The following JPH1 variants were observed in gnomAD, a reference collection of about 807,000 sequenced individuals.
JPH1 encodes junctophilin-1.
In JPH1, 12 loss-of-function variants were observed where a neutral mutation model predicts 53.6. The ratio of observed to expected loss-of-function variants is 0.22; its 90% CI spans 0.14 to 0.36. The LOEUF is 0.36. JPH1 is among the 10% of genes least tolerant of loss of function. The probability of loss-of-function intolerance (pLI) is 1.00; values close to 1 mark genes in which losing one functional copy is unlikely to be tolerated. For missense variants in JPH1, 808 were observed against 905.5 expected, an observed-to-expected ratio of 0.89 and a Z score of 1.38; for synonymous variants, 375 against 363.8, an observed-to-expected ratio of 1.03 and a Z score of -0.35.
At chr8:74,269,993 C>T (rs1313715901) in intron 2 of JPH1, among the ~76,000 whole-genome samples, 4 of 152,210 alleles carry the variant, frequency 2.6e-5, no homozygotes, top group African/African-American at 9.6e-5. Flanking sequence ...CTCTGTGAAT[C>T]TGTCACTGCT....
At chr8:74,298,733 C>T (rs1807589744) in intron 2 of JPH1, among the ~76,000 whole-genome samples, 1 of 152,170 alleles carries the variant, frequency 6.6e-6, no homozygotes, top group Non-Finnish European at 1.5e-5. Context: ...TAGCTAATAT[C>T]TCCACCACTT....
rs1805985089 is a variant in JPH1, at chr8:74,249,815, T to C, written c.1259-4640A>G. 2.6e-5 allele frequency among the ~76,000 whole-genome samples: 4 copies of C among 152,344 alleles called. No individual in the cohort carries two copies. The South Asian group carries it at 8.3e-4, about 32-fold the overall frequency. On this transcript the variant is annotated intron_variant, in intron 3 of 5. Transcript: ENST00000342232. ...TTGATTTCTGAAGTCTTCTAATTCATACCAGAAATGCAAGCTTAGTTAACA... is the reference window on the plus strand; with the variant it reads ...TTGATTTCTGAAGTCTTCTAATTCACACCAGAAATGCAAGCTTAGTTAACA...
chr8:74,318,495 C>T (rs1808224585), intron 1 of JPH1, among the ~76,000 whole-genome samples: 1 of 152,092 alleles, frequency 6.6e-6, no homozygotes, highest in Admixed American at 6.5e-5. Flanking sequence ...AGAATTAGCA[C>T]AAAAAATTCT....
At chr8:74,316,169 CTCT>C (rs1248194071) in intron 1 of JPH1, among the ~76,000 whole-genome samples, 2 of 152,150 alleles carry the variant, frequency 1.3e-5, no homozygotes, top group Admixed American at 6.5e-5. Context: ...CATTCAGCAT[CTCT>C]TTTTTTAGTG....
rs140917484 is a variant in JPH1 at position 74,245,807 on chromosome 8, T to G, written c.1259-632A>C. Among the ~76,000 whole-genome samples, 761 of 152,052 alleles carry G rather than the reference T, an allele frequency of 5.0e-3. 9 individuals carry two copies. The highest frequency in any genetic ancestry group is 0.018 in the African/African-American group (734 of 41,448). On this transcript the variant is annotated intron_variant, in intron 3 of 5. Transcript: ENST00000342232. The stretch of plus-strand genomic sequence containing the variant: ...TGTAGCTTCAAGATTTTTTTTTTCC[T>G]TTTTTATATACCTCAGGATTGTTTA...
chr8:74,288,698 T>C (rs1445402128), intron 2 of JPH1, among the ~76,000 whole-genome samples: 1 of 152,236 alleles, frequency 6.6e-6, no homozygotes. Context: ...GAGAGATGAA[T>C]GCATGTCATC....
chr8:74,302,404 G>C (rs1470773105), intron 2 of JPH1, among the ~76,000 whole-genome samples: 3 of 152,188 alleles, frequency 2.0e-5, no homozygotes, highest in African/African-American at 7.2e-5. Flanking sequence ...ACTCTAGGTA[G>C]AAATAATTTT....
intron 4 of JPH1, among the ~76,000 whole-genome samples, chr8:74,238,936 G>A (rs537437461): frequency 6.6e-4 from 101 of 152,318 alleles, no homozygotes; most frequent in African/African-American, 2.3e-3. Flanking sequence ...GGGATTCCAG[G>A]CGTGTACCAC....
At chr8:74,291,094 C>A (rs1807312834) in intron 2 of JPH1, among the ~76,000 whole-genome samples, 1 of 152,100 alleles carries the variant, frequency 6.6e-6, no homozygotes. Flanking sequence ...GACTAAAACA[C>A]CAAAAGCAAT....
intron 2 of JPH1, among the ~76,000 whole-genome samples, chr8:74,299,347 T>C (rs1445618701): frequency 6.6e-6 from 1 of 152,216 alleles, no homozygotes; most frequent in Non-Finnish European, 1.5e-5. Flanking sequence ...TTACATATTT[T>C]ACATTCAGCC....
chr8:74,273,677 A>T (rs1385734328), intron 2 of JPH1, among the ~76,000 whole-genome samples: 1 of 152,196 alleles, frequency 6.6e-6, no homozygotes, highest in African/African-American at 2.4e-5. Context: ...CTATGTCTGG[A>T]AAACCTAATT....
chr8:74,269,406 G>C (rs1041448135), intron 2 of JPH1, among the ~76,000 whole-genome samples: 1 of 152,204 alleles, frequency 6.6e-6, no homozygotes, highest in East Asian at 1.9e-4. Context: ...ATGTTTCCTT[G>C]TAGGAACTGC....
chr8:74,292,072 G>A (rs1465715503), intron 2 of JPH1, among the ~76,000 whole-genome samples: 1 of 152,136 alleles, frequency 6.6e-6, no homozygotes, highest in Non-Finnish European at 1.5e-5. Flanking sequence ...TATACTTAAT[G>A]TAAATGACGA....
intron 2 of JPH1, among the ~76,000 whole-genome samples, chr8:74,271,011 A>C (rs1806682086): frequency 1.3e-5 from 2 of 152,154 alleles, no homozygotes; most frequent in Admixed American, 6.5e-5. Context: ...AGATGCAATA[A>C]CTTGAATGGA....
At chr8:74,243,384 TA>T (rs761042559) in intron 4 of JPH1, among the ~76,000 whole-genome samples, 1 of 152,232 alleles carries the variant, frequency 6.6e-6, no homozygotes, top group Non-Finnish European at 1.5e-5. Flanking sequence ...TTAATCTGAA[TA>T]ATTTATGTTT....
At chr8:74,267,371 T>G (rs1806563847) in intron 2 of JPH1, among the ~76,000 whole-genome samples, 1 of 152,184 alleles carries the variant, frequency 6.6e-6, no homozygotes, top group Admixed American at 6.5e-5. Flanking sequence ...AAGGGGAACT[T>G]CTAATAGAGC....
At chr8:74,238,502 TC>T (rs1463849266) in intron 4 of JPH1, among the ~76,000 whole-genome samples, 10 of 152,144 alleles carry the variant, frequency 6.6e-5, no homozygotes, top group Non-Finnish European at 1.3e-4. Context: ...ACTGCTATTT[TC>T]CCCCACAAGA....
chr8:74,251,104 C>T (rs914443507), intron 3 of JPH1, among the ~76,000 whole-genome samples: 3 of 152,162 alleles, frequency 2.0e-5, no homozygotes, highest in Non-Finnish European at 4.4e-5. Context: ...CCAGTAAAGC[C>T]ATATACCATG....
At chr8:74,284,253 A>C (rs987630665) in intron 2 of JPH1, among the ~76,000 whole-genome samples, 2 of 152,236 alleles carry the variant, frequency 1.3e-5, no homozygotes, top group African/African-American at 4.8e-5. Flanking sequence ...CTTATGTGTC[A>C]TTCTTATTCA....
Sources: allele counts gnomAD v4.1 joint callset (sites outside exome capture counted in the v4.1 genomes callset), GRCh38; gene constraint gnomAD v4.1.1; transcripts MANE v1.5; gene names NCBI Gene and HGNC (gene_info 2026-07-23, HGNC 2026-07-21).